The following FBN3 variants were observed in gnomAD, a reference collection of about 807,000 sequenced individuals.
FBN3 encodes the protein fibrillin 3.
Under a neutral mutation model 330.1 loss-of-function variants are expected in FBN3, and 234 were observed. The observed-to-expected ratio is 0.71, with a 90% CI of 0.64 to 0.79. The LOEUF is 0.79. FBN3 is among the 30% of genes least tolerant of loss of function. FBN3 has a pLI of 0.00. For missense variants in FBN3, 3,606 were observed against 3,886.9 expected (o/e 0.93, Z 1.92); for synonymous variants, 1,458 against 1,517.3 (o/e 0.96, Z 0.91).
Position 8,085,451 on chromosome 19 carries a change from C to A in FBN3, c.6999G>T (p.Gly2333=), listed in dbSNP as rs1599295473. 1.9e-6 allele frequency: 3 copies of A among 1,572,368 alleles called. No homozygotes were observed. Among genetic ancestry groups the A allele is most frequent in the Non-Finnish European group, 2.6e-6 (3 of 1,160,660 alleles). ...GCAGGGGACAGAGCTCGCAGCGGGG[C>A]CCCCAGCCCCGGCCACCCCCACAGC... ...ECCCGGGRGW[G]PRCELCPLPG... is the part of the protein sequence containing the mutation. Residue 2333 remains glycine (G), a synonymous_variant, in exon 56 of 64, where the codon GGG becomes GGT. Coordinates refer to ENST00000600128, the MANE Select transcript of FBN3 (RefSeq NM_032447.5).
Position 8,138,465 on chromosome 19 carries a change from C to T in FBN3, c.965G>A (p.Gly322Asp). The change falls in exon 9 of 64, where the codon GGC (glycine) becomes GAC (aspartate). Residue 322 changes from glycine (G) to aspartate (D), a missense_variant. Gly to Asp is a moderately conservative substitution (Grantham distance 94, BLOSUM62 -1). Coordinates refer to ENST00000600128, the MANE Select transcript of FBN3 (RefSeq NM_032447.5). The part of the protein sequence containing the change: ...YTRRQCCCDR[G>D]RCWAAGPVPE... ...GACCGGGCCAGCTGCCCAGCACCTG[C>T]CCCTGTCACAGCAGCACTGCCTGCG... is the stretch of plus-strand genomic sequence containing the variant. The T allele has an allele frequency of 1.9e-6, 3 of 1,613,430 alleles. No homozygotes were observed. The highest frequency in any genetic ancestry group is 2.5e-6 in the Non-Finnish European group (3 of 1,179,992).
At position 8,136,010 on chromosome 19, in the gene FBN3, A is replaced by C. The variant is rs1485138903; in HGVS notation, c.1542T>G (p.Cys514Trp). 1.3e-6 allele frequency: 2 copies of C among 1,516,072 alleles called. No individual in the cohort carries two copies. The highest frequency in any genetic ancestry group is 5.5e-5 in the East Asian group (2 of 36,472). 93.9% of individuals were successfully genotyped at this position (1,516,072 alleles called of 1,614,324 possible). A position where few individuals can be genotyped will look rare whatever the true frequency, so the allele number is the denominator to read the frequency against. Residue 514 changes from cysteine (C) to tryptophan (W), a missense_variant, in exon 13 of 64, where the codon TGT (cysteine) becomes TGG (tryptophan). By Grantham distance (215) the Cys-to-Trp change is radical. Transcript: ENST00000600128. ...TGAGCTCGAAGCCTGCATTGCAGAC[A>C]CACTGGAAGCTGCCCTCTGTGTTGA... is the stretch of plus-strand genomic sequence containing the variant. ...RCVNTEGSFQ[C>W]VCNAGFELSP...
At chr19:8,088,834 A>C (rs1166650788) in intron 51 of FBN3, among the ~76,000 whole-genome samples, 1 of 152,216 alleles carries the variant, frequency 6.6e-6, no homozygotes, top group African/African-American at 2.4e-5. Flanking sequence ...CAAGCAAGTG[A>C]ATGAATGAGG....
At chr19:8,126,125 G>C in intron 21 of FBN3, 108 bp from the exon 22 acceptor site, 1 of 1,518,746 alleles carries the variant, frequency 6.6e-7, no homozygotes, top group Non-Finnish European at 9.0e-7. Context: ...AGGGGACGGG[G>C]ACACGGGGAC....
In FBN3 at chr19:8,117,283, C is replaced by T. The variant is rs1245436028; in HGVS notation, c.3472G>A (p.Glu1158Lys). ...PDRQGCVDINECRVQNGGCDV... is the reference protein window; with the variant it reads ...PDRQGCVDINKCRVQNGGCDV... Reference sequence around the variant, plus strand: ...CACCCACCATTCTGGACCCGGCATTCGTTGATGTCTGCAGGATGCAGGGCA... The same window carrying T: ...CACCCACCATTCTGGACCCGGCATTTGTTGATGTCTGCAGGATGCAGGGCA... The change falls in exon 28 of 64, where the codon GAA (glutamate) becomes AAA (lysine). Residue 1158 changes from glutamate (E) to lysine (K), a missense_variant. Glu to Lys is a moderately conservative substitution (Grantham distance 56, BLOSUM62 1). Transcript: ENST00000600128. 2.0e-6 allele frequency: 3 copies of T among 1,515,776 alleles called. No homozygotes were observed. The highest frequency in any genetic ancestry group is 1.1e-5 in the South Asian group (1 of 89,288). The allele number at this position is 1,515,776 out of a possible 1,614,324, so 93.9% of individuals were successfully genotyped here.
rs146476769 is a variant in FBN3 at position 8,125,638 on chromosome 19, A to T, written c.2731+254T>A. Among the ~76,000 whole-genome samples the T allele has an allele frequency of 8.1e-4, 123 of 152,044 alleles. 4 individuals are homozygous for T. In the East Asian group the frequency reaches 0.024, roughly 29 times the overall value. ...AAACCCCATCTCTACTAAAAATACA[A>T]AAATTAGCTGGGCGTGGTGGTATGT... is the stretch of plus-strand genomic sequence containing the variant. On this transcript the variant is annotated intron_variant, in intron 22 of 63. Transcript: ENST00000600128.
At position 8,131,727 on chromosome 19, in the gene FBN3, G is replaced by T; in HGVS notation, c.1817C>A (p.Thr606Lys). The T allele has an allele frequency of 6.2e-7, 1 of 1,613,762 alleles. No individual in the cohort carries two copies. The highest frequency in any genetic ancestry group is 8.5e-7 in the Non-Finnish European group (1 of 1,179,894). The change falls in exon 15 of 64, where the codon ACG (threonine) becomes AAG (lysine). Residue 606 changes from threonine to lysine, a missense_variant. Thr to Lys is a moderately conservative substitution (Grantham distance 78). Coordinates refer to ENST00000600128, the MANE Select transcript of FBN3 (RefSeq NM_032447.5). The surrounding 1 kb of genome is among the most constrained non-coding windows in gnomAD (Gnocchi z 4.5). ...GGTGTCCACGCACACGCGGCCATCC[G>T]TGCCTACCGCCAGCCCCCCCAGGCA... ...CQCLGGLAVG[T>K]DGRVCVDTHV...
At chr19:8,133,651 A>C (rs2083207101) in intron 13 of FBN3, among the ~76,000 whole-genome samples, 1 of 151,816 alleles carries the variant, frequency 6.6e-6, no homozygotes, top group East Asian at 2.0e-4. Context: ...ACGGGGTTTC[A>C]CCATGTTGGC....
intron 54 of FBN3, among the ~76,000 whole-genome samples, 167 bp from the exon 55 acceptor site, chr19:8,086,492 C>T (rs1042725805): frequency 5.3e-5 from 8 of 149,802 alleles, no homozygotes; most frequent in East Asian, 3.9e-4. Flanking sequence ...AGTCTCGCTC[C>T]GTTTCCCAGG....
intron 59 of FBN3, among the ~76,000 whole-genome samples, chr19:8,078,578 T>A (rs1394903717): frequency 1.0e-5 from 1 of 99,960 alleles, no homozygotes; most frequent in Non-Finnish European, 1.9e-5. Context: ...AGTGAAAACC[T>A]TACTTTTTTT....
intron 63 of FBN3, among the ~76,000 whole-genome samples, chr19:8,069,631 G>C (rs1422836796): frequency 6.6e-6 from 1 of 152,170 alleles, no homozygotes; most frequent in Non-Finnish European, 1.5e-5. Context: ...TGTCACCCAG[G>C]CTGGAGTGCA....
intron 18 of FBN3, 114 bp from the exon 19 acceptor site, chr19:8,126,946 T>A: frequency 5.9e-6 from 7 of 1,191,060 alleles, no homozygotes; most frequent in Non-Finnish European, 1.1e-6. Flanking sequence ...TGCACCCAGA[T>A]GCACAAGCAT....
At chr19:8,092,496 T>C (rs1194886468) in intron 47 of FBN3, among the ~76,000 whole-genome samples, 8 of 151,908 alleles carry the variant, frequency 5.3e-5, no homozygotes, top group Admixed American at 5.2e-4. Flanking sequence ...GTGGATCACT[T>C]GAGATCAGGA....
At chr19:8,086,468 A>ATTT (rs373108511) in intron 54 of FBN3, 143 bp from the exon 55 acceptor site, 4 of 280,176 alleles carry the variant, frequency 1.4e-5, no homozygotes, top group African/African-American at 9.4e-5. Flanking sequence ...TATTATTATT[A>ATTT]TTTTTTGAGA....
At position 8,126,484 on chromosome 19, in the gene FBN3, G is replaced by T. The variant is rs754700869; in HGVS notation, c.2538C>A (p.Cys846Ter). ...GGATACTACCGATCTCGCAGCGTTC[G>T]CAGGGGCTCCCCCAGGCTGCCCCGA... ...ATLGAAWGSPCERCEIDPACA... is the reference protein window; with the variant it reads ...ATLGAAWGSP Residue 846 changes from cysteine to a stop codon, truncating the protein, a stop_gained, in exon 20 of 64, where the codon TGC becomes TGA. Coordinates refer to ENST00000600128, the MANE Select transcript of FBN3 (RefSeq NM_032447.5). LOFTEE classifies it high-confidence loss of function. 1.9e-6 allele frequency: 3 copies of T among 1,612,732 alleles called. No homozygotes were observed. The highest frequency in any genetic ancestry group is 1.1e-5 in the South Asian group (1 of 90,980).
rs369869305 is a variant in FBN3 at position 8,123,453 on chromosome 19, G to A, written c.3082+11C>T. On this transcript the variant is annotated intron_variant, in intron 24 of 63. Coordinates refer to ENST00000600128, the MANE Select transcript of FBN3 (RefSeq NM_032447.5). ...ATCACGCTCTCTCCAAGAGGCAGAG[G>A]TGGCACCTACCTGTGCAGTTCCGTT... 290 of 1,612,968 alleles carry A rather than the reference G, an allele frequency of 1.8e-4. No individual in the cohort carries two copies. The South Asian group carries it at 2.9e-3, about 16-fold the overall frequency.
At chr19:8,108,366 C>T in intron 36 of FBN3, 128 bp from the exon 37 acceptor site, 1 of 683,962 alleles carries the variant, frequency 1.5e-6, no homozygotes, top group Non-Finnish European at 2.5e-6. Context: ...GTACTAACGA[C>T]ATCCCCATAT....
chr19:8,117,494 G>T lies in FBN3; in HGVS notation c.3433C>A (p.Gln1145Lys). Residue 1145 changes from glutamine (Q) to lysine (K), a missense_variant, in exon 27 of 64, where the codon CAG becomes AAG. Coordinates refer to ENST00000600128, the MANE Select transcript of FBN3 (RefSeq NM_032447.5). Reference protein sequence around the residue: ...AFQCSCHAGFQSTPDRQGCVD... With the variant: ...AFQCSCHAGFKSTPDRQGCVD... ...CAGCCCTGGCGGTCAGGTGTGCTCTGGAAGCCGGCATGGCAGGAGCACTGG... is the reference window on the plus strand; with the variant it reads ...CAGCCCTGGCGGTCAGGTGTGCTCTTGAAGCCGGCATGGCAGGAGCACTGG... 1 of 1,560,432 alleles carries T rather than the reference G, an allele frequency of 6.4e-7. No homozygotes were observed.
chr19:8,126,892 G>A, intron 18 of FBN3, 60 bp from the exon 19 acceptor site: 1 of 1,503,066 alleles, frequency 6.7e-7, no homozygotes, highest in South Asian at 1.4e-5. Flanking sequence ...TACCTGGCCA[G>A]GACCCCTCCT....
Sources: gnomAD v4.1 joint callset for allele counts (sites outside exome capture counted in the v4.1 genomes callset) on GRCh38, gnomAD v4.1.1 for gene constraint, Gnocchi (gnomAD v3.1) non-coding constraint, MANE v1.5 for transcripts, NCBI Gene and HGNC (gene_info 2026-07-23, HGNC 2026-07-21) for gene names.